Variants in IGF1 observed in about 807,000 individuals in gnomAD.
The protein encoded by IGF1 is insulin-like growth factor 1.
Under a neutral mutation model 13.8 loss-of-function variants are expected in IGF1, and 4 were observed. The observed-to-expected ratio is 0.29, with a 90% CI of 0.14 to 0.66. The LOEUF is 0.66. Ranked by LOEUF, IGF1 falls within the 30% of genes least tolerant of loss-of-function variation. The probability of loss-of-function intolerance (pLI) is 0.78; values close to 1 mark genes in which losing one functional copy is unlikely to be tolerated. For synonymous variants in IGF1, 76 were observed against 72.6 expected, an observed-to-expected ratio of 1.05 and a Z score of -0.23; for missense variants, 124 against 188.5, an observed-to-expected ratio of 0.66 and a Z score of 2.00.
At position 102,398,161 on chromosome 12, in the gene IGF1, C is replaced by T. The variant is rs1421303459; in HGVS notation, c.*4346G>A. On this transcript the variant is annotated 3_prime_UTR_variant, in exon 4 of 4. Transcript: ENST00000337514. Reference sequence around the variant, plus strand: ...TTAGCCATCTCTTTCAACAATTTCTCATAAATTCTTTCTTTATCAGTAGAT... The same window carrying T: ...TTAGCCATCTCTTTCAACAATTTCTTATAAATTCTTTCTTTATCAGTAGAT... The T allele has an allele frequency of 2.0e-5, 3 of 151,806 alleles. No individual in the cohort carries two copies. The East Asian group carries it at 5.8e-4, about 29-fold the overall frequency. 9.4% of individuals were successfully genotyped at this position (151,806 alleles called of 1,614,324 possible). A position where few individuals can be genotyped will look rare whatever the true frequency, so the allele number is the denominator to read the frequency against.
chr12:102,437,104 C>A (rs1487487090), intron 2 of IGF1, among the ~76,000 whole-genome samples: 3 of 152,234 alleles, frequency 2.0e-5, no homozygotes, highest in Non-Finnish European at 2.9e-5. Flanking sequence ...CATATGCCTT[C>A]TCAACGAATC....
chr12:102,470,243 G>C (rs992811021), intron 2 of IGF1, among the ~76,000 whole-genome samples: 13 of 152,182 alleles, frequency 8.5e-5, no homozygotes, highest in African/African-American at 3.1e-4. Context: ...ACTTGCTCAA[G>C]ATCACTCACC....
At chr12:102,474,780 G>A (rs1880908370) in intron 2 of IGF1, among the ~76,000 whole-genome samples, 2 of 152,208 alleles carry the variant, frequency 1.3e-5, no homozygotes, top group Admixed American at 1.3e-4. Flanking sequence ...TATACAGTGA[G>A]ATAGATGCAT....
intron 1 of IGF1, among the ~76,000 whole-genome samples, chr12:102,476,629 T>C (rs1341648052): frequency 6.6e-6 from 1 of 152,234 alleles, no homozygotes; most frequent in Non-Finnish European, 1.5e-5. Flanking sequence ...CCCTTCTGTG[T>C]ATAGGGCACT....
intron 2 of IGF1, among the ~76,000 whole-genome samples, chr12:102,446,841 C>G (rs541865750): frequency 6.6e-6 from 1 of 152,326 alleles, no homozygotes; most frequent in Non-Finnish European, 1.5e-5. Context: ...ATCTTTCCCA[C>G]TTTCTCCTGT....
chr12:102,441,908 T>TGCTGCC (rs1555244024), intron 2 of IGF1, among the ~76,000 whole-genome samples: 8 of 109,390 alleles, frequency 7.3e-5, no homozygotes, highest in Non-Finnish European at 1.3e-4. Context: ...ATTACACTGC[T>TGCTGCC]TCTTCTCCTT....
In IGF1 at chr12:102,402,610, T is replaced by C. The variant is rs763358713; in HGVS notation, c.403-44A>G. The C allele has an allele frequency of 1.8e-5, 14 of 779,670 alleles. No individual in the cohort carries two copies. The East Asian group carries it at 3.4e-4, about 19-fold the overall frequency. The allele number at this position is 779,670 out of a possible 1,614,324, so 48.3% of individuals were successfully genotyped here. On this transcript the variant is annotated intron_variant, in intron 3 of 3. Transcript: ENST00000337514. The stretch of plus-strand genomic sequence containing the variant: ...AAGTGACATTAACTTGATGAAGTTT[T>C]ATGTATCCATCTATTTCTAACATTG...
chr12:102,417,736 C>A (rs748059361), intron 3 of IGF1: 105 of 1,586,810 alleles, frequency 6.6e-5, no homozygotes, highest in Admixed American at 1.8e-4. Flanking sequence ...TTCATTTCCT[C>A]TATTGTATTT....
rs190733342 is a variant in IGF1, at chr12:102,461,730, G to T, written c.220+13913C>A. Among the ~76,000 whole-genome samples the T allele has an allele frequency of 5.1e-4, 77 of 152,274 alleles. No homozygotes were observed. In the South Asian group the frequency reaches 8.3e-3, roughly 16 times the overall value. On this transcript the variant is annotated intron_variant, in intron 2 of 3. Transcript: ENST00000337514. ...CAATTTCCAGTTCACAGAAGGTCAGGCCATGGGGTTATCCTTGGAGCAGTT... is the reference window on the plus strand; with the variant it reads ...CAATTTCCAGTTCACAGAAGGTCAGTCCATGGGGTTATCCTTGGAGCAGTT...
intron 2 of IGF1, among the ~76,000 whole-genome samples, chr12:102,459,917 C>T (rs993250316): frequency 6.6e-5 from 10 of 152,116 alleles, no homozygotes; most frequent in African/African-American, 1.7e-4. Flanking sequence ...ATGTCTTGAA[C>T]GTAATAAAAT....
intron 2 of IGF1, among the ~76,000 whole-genome samples, chr12:102,433,111 G>C (rs2137057266): frequency 6.6e-6 from 1 of 152,220 alleles, no homozygotes; most frequent in East Asian, 1.9e-4. Flanking sequence ...CTAATCTGGT[G>C]TCTCTCCACC....
intron 2 of IGF1, among the ~76,000 whole-genome samples, chr12:102,434,974 C>T (rs982564078): frequency 1.3e-5 from 2 of 151,880 alleles, no homozygotes; most frequent in Admixed American, 6.6e-5. Flanking sequence ...ATGTCCACAA[C>T]CATGGATAGA....
chr12:102,413,544 G>T (rs560920187), intron 3 of IGF1, among the ~76,000 whole-genome samples: 3 of 152,210 alleles, frequency 2.0e-5, no homozygotes, highest in Non-Finnish European at 2.9e-5. Context: ...GTGAGGTTTT[G>T]TTTGTTTTCA....
chr12:102,475,912 C>T (rs898109525), intron 1 of IGF1, 113 bp from the exon 2 acceptor site: 9 of 1,117,910 alleles, frequency 8.1e-6, no homozygotes, highest in Non-Finnish European at 1.2e-5. Context: ...TTAATCAGGA[C>T]TACCCAGCAC....
intron 2 of IGF1, among the ~76,000 whole-genome samples, chr12:102,448,498 A>G (rs202149180): frequency 7.6e-6 from 1 of 131,740 alleles, no homozygotes; most frequent in Non-Finnish European, 1.6e-5. Flanking sequence ...ATGAGATCAC[A>G]TGGACACAGG....
intron 2 of IGF1, among the ~76,000 whole-genome samples, chr12:102,434,632 C>T (rs1351040282): frequency 6.6e-6 from 1 of 151,920 alleles, no homozygotes; most frequent in African/African-American, 2.4e-5. Context: ...GTCTTTATAG[C>T]AGCATGATTT....
chr12:102,411,609 G>A (rs934920878), intron 3 of IGF1, among the ~76,000 whole-genome samples: 7 of 152,082 alleles, frequency 4.6e-5, no homozygotes, highest in Non-Finnish European at 7.4e-5. Flanking sequence ...GGGAACTTTC[G>A]AGTTATTTTA....
In IGF1 at chr12:102,396,185, G is replaced by A. The variant is rs1873165937; in HGVS notation, c.*6322C>T. 1 of 152,190 alleles carries A rather than the reference G, an allele frequency of 6.6e-6. No individual in the cohort carries two copies. 9.4% of individuals were successfully genotyped at this position (152,190 alleles called of 1,614,324 possible). ...GGGGAAATTAATTCAGTGTCTGTAA[G>A]TTTATTTATCACACTTGGCCTATAA... On this transcript the variant is annotated 3_prime_UTR_variant, in exon 4 of 4. Coordinates refer to ENST00000337514, the MANE Select transcript of IGF1 (RefSeq NM_000618.5).
intron 2 of IGF1, among the ~76,000 whole-genome samples, chr12:102,457,661 A>C (rs1879530142): frequency 6.6e-6 from 1 of 152,154 alleles, no homozygotes; most frequent in Non-Finnish European, 1.5e-5. Flanking sequence ...GAAGGATGAA[A>C]ATTTTTTGTA....
Sources: gnomAD v4.1 joint callset for allele counts (sites outside exome capture counted in the v4.1 genomes callset) on GRCh38, gnomAD v4.1.1 for gene constraint, MANE v1.5 for transcripts, NCBI Gene and HGNC (gene_info 2026-07-23, HGNC 2026-07-21) for gene names.